Variants in FEZ2 observed in about 807,000 individuals in gnomAD.
The protein encoded by FEZ2 is fasciculation and elongation protein zeta 2, also known as fasciculation and elongation protein zeta-2.
A neutral mutation model predicts 40.4 loss-of-function variants in FEZ2; 51 were observed. The observed-to-expected ratio is 1.26, with a 90% CI of 1.01 to 1.59. The LOEUF (loss-of-function observed/expected upper bound fraction) is 1.59, where lower values mean the gene tolerates loss of function less well. Among genes scored for constraint, FEZ2 ranks in the 40% most tolerant of loss-of-function variants. FEZ2 has a pLI of 0.00. For synonymous variants in FEZ2, 242 were observed against 172.0 expected (o/e 1.41, Z -3.18); for missense variants, 640 against 438.3 (o/e 1.46, Z -4.11).
At chr2:36,596,153 A>G (rs1048436841) in intron 1 of FEZ2, among the ~76,000 whole-genome samples, 3 of 152,202 alleles carry the variant, frequency 2.0e-5, no homozygotes, top group Non-Finnish European at 4.4e-5. Context: ...AAATCCAATT[A>G]TAAGTGTTTC....
At chr2:36,554,188 C>T (rs1016775969) in intron 7 of FEZ2, 5 of 470,960 alleles carry the variant, frequency 1.1e-5, no homozygotes, top group South Asian at 3.1e-5. Flanking sequence ...GCCAGCGGCC[C>T]GAGCATGAGG....
At chr2:36,588,690 A>T (rs1350719746) in intron 2 of FEZ2, among the ~76,000 whole-genome samples, 3 of 152,108 alleles carry the variant, frequency 2.0e-5, no homozygotes, top group African/African-American at 7.2e-5. Context: ...ATAACTATAC[A>T]ATATTTATAT....
Position 36,566,139 on chromosome 2 carries a change from G to A in FEZ2, c.904-7626C>T, listed in dbSNP as rs1668231843. 2.0e-5 allele frequency among the ~76,000 whole-genome samples: 3 copies of A among 152,166 alleles called. No homozygotes were observed. The South Asian group carries it at 6.2e-4, about 31-fold the overall frequency. On this transcript the variant is annotated intron_variant, in intron 5 of 7. Coordinates refer to ENST00000405912, the MANE Select transcript of FEZ2 (RefSeq NM_005102.3). Reference sequence around the variant, plus strand: ...GTATAAGAAAAGTTCAGGAGATGGAGACCATCCTGGCTAACACAGTGAAAC... The same window carrying A: ...GTATAAGAAAAGTTCAGGAGATGGAAACCATCCTGGCTAACACAGTGAAAC...
At chr2:36,572,017 GAAAAAAAAAAAAAA>G (rs34787798) in intron 5 of FEZ2, among the ~76,000 whole-genome samples, 124 of 110,104 alleles carry the variant, frequency 1.1e-3, no homozygotes, top group African/African-American at 2.9e-3. Flanking sequence ...TCCGTCTCAG[GAAAAAAAAAAAAAA>G]AAAAAAAAAA....
chr2:36,554,167 T>C (rs1408750798), intron 7 of FEZ2: 2 of 470,686 alleles, frequency 4.2e-6, no homozygotes, highest in African/African-American at 2.0e-5. Flanking sequence ...GAACTGGGCT[T>C]ACAGACAGGA....
In FEZ2 at chr2:36,573,193, A is replaced by G. The variant is rs557408825; in HGVS notation, c.903+5404T>C. On this transcript the variant is annotated intron_variant, in intron 5 of 7. Transcript: ENST00000405912. ...CTATCTTCTCAACAAGACTTAGCAT[A>G]AACAACCTTACATGTGACATTCAAT... Among the ~76,000 whole-genome samples, 94 of 152,338 alleles carry G rather than the reference A, an allele frequency of 6.2e-4. 1 individual carries two copies. The highest frequency in any genetic ancestry group is 2.2e-3 in the African/African-American group (93 of 41,566).
intron 2 of FEZ2, chr2:36,590,662 A>T (rs572750042): frequency 2.3e-6 from 1 of 430,058 alleles, no homozygotes; most frequent in South Asian, 3.8e-5. Context: ...GTCAAAAAAA[A>T]AAAAATTGTG....
intron 5 of FEZ2, among the ~76,000 whole-genome samples, chr2:36,569,862 C>A (rs848632): frequency 0.1 from 15,700 of 152,208 alleles, 1,758 homozygotes; most frequent in African/African-American, 0.24. Context: ...TGAAAAAGCA[C>A]TCAAGGAATG....
intron 4 of FEZ2, among the ~76,000 whole-genome samples, chr2:36,580,049 C>T (rs1558453314): frequency 6.6e-6 from 1 of 152,120 alleles, no homozygotes; most frequent in Non-Finnish European, 1.5e-5. Context: ...AGGAGAGAGG[C>T]CTCTGAAAAA....
At chr2:36,553,341 C>T (rs1437816109) in intron 7 of FEZ2, among the ~76,000 whole-genome samples, 162 bp from the exon 8 acceptor site, 2 of 151,922 alleles carry the variant, frequency 1.3e-5, no homozygotes, top group African/African-American at 4.8e-5. Context: ...GAGGCTATAC[C>T]CAACAAGGAT....
At chr2:36,558,386 T>C (rs1668006538) in intron 6 of FEZ2, 52 bp downstream of exon 6, 2 of 1,176,490 alleles carry the variant, frequency 1.7e-6, no homozygotes, top group South Asian at 1.5e-5. Flanking sequence ...GTCAGGTGTT[T>C]ACCAATCAGC....
chr2:36,574,168 A>G lies in FEZ2; in HGVS notation c.903+4429T>C, dbSNP rs58378173. 7.6e-4 allele frequency among the ~76,000 whole-genome samples: 116 copies of G among 152,314 alleles called. 1 individual carries two copies. The highest frequency in any genetic ancestry group is 6.8e-3 in the Middle Eastern group (2 of 294). On this transcript the variant is annotated intron_variant, in intron 5 of 7. Transcript: ENST00000405912. ...ACTCATGGTGTTTGCTATGTTTGCT[A>G]ATCTTATATACATTATTTCATTTAA...
intron 5 of FEZ2, 134 bp downstream of exon 5, chr2:36,578,463 C>G: frequency 3.2e-6 from 3 of 948,482 alleles, no homozygotes; most frequent in Non-Finnish European, 4.8e-6. Flanking sequence ...GAATAAAATC[C>G]CACTGGGCTC....
chr2:36,553,682 C>T (rs1283432540), intron 7 of FEZ2, among the ~76,000 whole-genome samples: 2 of 152,144 alleles, frequency 1.3e-5, no homozygotes, highest in African/African-American at 4.8e-5. Context: ...ACAGTGCCCA[C>T]CCTACTCCCT....
intron 2 of FEZ2, among the ~76,000 whole-genome samples, chr2:36,584,385 G>C (rs1007064270): frequency 6.6e-6 from 1 of 152,176 alleles, no homozygotes; most frequent in Non-Finnish European, 1.5e-5. Context: ...ACCACATCAA[G>C]TTTGTTTCCC....
intron 5 of FEZ2, among the ~76,000 whole-genome samples, chr2:36,571,099 G>A (rs866413092): frequency 2.0e-5 from 3 of 151,898 alleles, no homozygotes; most frequent in African/African-American, 7.3e-5. Context: ...AAAACATATC[G>A]AAAACTGATG....
chr2:36,578,573 C>T lies in FEZ2; in HGVS notation c.903+24G>A, dbSNP rs550540716. On this transcript the variant is annotated intron_variant, in intron 5 of 7. Coordinates refer to ENST00000405912, the MANE Select transcript of FEZ2 (RefSeq NM_005102.3). The stretch of plus-strand genomic sequence containing the variant: ...CACAGAACCTGTTTCCAGTGTTCGA[C>T]GCCTCCTGCAAAACATCACTTACTG... 24 of 1,597,630 alleles carry T rather than the reference C, an allele frequency of 1.5e-5. No individual in the cohort carries two copies. The African/African-American group carries it at 1.6e-4, about 11-fold the overall frequency.
chr2:36,553,070 G>C lies in FEZ2; in HGVS notation c.*93C>G. 9.6e-7 allele frequency: 1 copy of C among 1,045,006 alleles called. No individual in the cohort carries two copies. The highest frequency in any genetic ancestry group is 1.6e-5 in the African/African-American group (1 of 62,392). 64.7% of individuals were successfully genotyped at this position (1,045,006 alleles called of 1,614,324 possible). A position where few individuals can be genotyped will look rare whatever the true frequency, so the allele number is the denominator to read the frequency against. On this transcript the variant is annotated 3_prime_UTR_variant, in exon 8 of 8. Coordinates refer to ENST00000405912, the MANE Select transcript of FEZ2 (RefSeq NM_005102.3). The stretch of plus-strand genomic sequence containing the variant: ...TCAAACCCAAGTTCAAATGTGCTGA[G>C]TTTCCAATAGCAAGAAGGGTAATGG...
chr2:36,554,417 C>T (rs187924327), intron 7 of FEZ2, among the ~76,000 whole-genome samples: 1 of 152,004 alleles, frequency 6.6e-6, no homozygotes, highest in Non-Finnish European at 1.5e-5. Flanking sequence ...CCTAGGAACC[C>T]GATATAATTA....
Sources: allele counts gnomAD v4.1 joint callset (sites outside exome capture counted in the v4.1 genomes callset), GRCh38; gene constraint gnomAD v4.1.1; transcripts MANE v1.5; gene names NCBI Gene and HGNC (gene_info 2026-07-23, HGNC 2026-07-21).